Variants in MAP3K6 observed in about 807,000 individuals in gnomAD.
MAP3K6 encodes mitogen-activated protein kinase kinase kinase 6, also known as apoptosis signal-regulating kinase 2.
Under a neutral mutation model 147.1 loss-of-function variants are expected in MAP3K6, and 105 were observed. That is an observed-to-expected ratio of 0.71 (90% confidence interval 0.61 to 0.84). The LOEUF is 0.84. Among genes scored for constraint, MAP3K6 ranks in the 40% least tolerant of loss-of-function variants. The pLI is 0.00. For missense variants in MAP3K6, 1,569 were observed against 1,715.0 expected, an observed-to-expected ratio of 0.91 and a Z score of 1.50; for synonymous variants, 695 against 732.4, an observed-to-expected ratio of 0.95 and a Z score of 0.82.
intron 28 of MAP3K6, 78 bp from the exon 29 acceptor site, chr1:27,355,547 C>T (rs2015488949): frequency 6.4e-7 from 1 of 1,567,702 alleles, no homozygotes; most frequent in Non-Finnish European, 8.8e-7. Context: ...CTGCCCAGTG[C>T]CCCCTCTGTC....
chr1:27,355,791 C>G, intron 27 of MAP3K6, 46 bp from the exon 28 acceptor site: 1 of 1,574,024 alleles, frequency 6.4e-7, no homozygotes, highest in Non-Finnish European at 8.7e-7. Context: ...TAAGAAATTA[C>G]AGAAAGATGT....
intron 23 of MAP3K6, 89 bp from the exon 24 acceptor site, chr1:27,357,203 G>T: frequency 7.4e-7 from 1 of 1,343,428 alleles, no homozygotes; most frequent in South Asian, 1.2e-5. Flanking sequence ...TCTTCGGCGG[G>T]AGGCGAGTGG....
chr1:27,366,547 C>A lies in MAP3K6; in HGVS notation c.51G>T (p.Trp17Cys). 9.1e-7 allele frequency: 1 copy of A among 1,098,988 alleles called. No individual in the cohort carries two copies. 68.1% of individuals were successfully genotyped at this position (1,098,988 alleles called of 1,614,324 possible). A position where few individuals can be genotyped will look rare whatever the true frequency, so the allele number is the denominator to read the frequency against. Residue 17 changes from tryptophan (W) to cysteine (C), a missense_variant, in exon 1 of 29, where the codon TGG becomes TGT. Transcript: ENST00000357582. This position sits in a 1 kb window ranked among gnomAD's most constrained non-coding sequence, Gnocchi z 5.5. ...RSGAERAGSCWQDPLAVALSR... is the reference protein window; with the variant it reads ...RSGAERAGSCCQDPLAVALSR... ...TCAGCGCCACGGCCAGCGGGTCCTG[C>A]CAGCAGCTGCCGGCGCGCTCCGCCC...
At chr1:27,356,331 T>G (rs1363783506) in intron 26 of MAP3K6, 57 bp downstream of exon 26, 14 of 1,475,212 alleles carry the variant, frequency 9.5e-6, no homozygotes, top group Non-Finnish European at 1.2e-5. Flanking sequence ...AAGGGTGCCT[T>G]GTGCTAGAAG....
At position 27,364,048 on chromosome 1, in the gene MAP3K6, G is replaced by T; in HGVS notation, c.733C>A (p.Gln245Lys). ...FRETIRRDIR[Q>K]ARERFSGPQL... ...GGCCCACTGAACCGCTCCCGCGCCT[G>T]CCGGATGTCCCGCCGAATGGTCTCC... is the stretch of plus-strand genomic sequence containing the variant. The change falls in exon 5 of 29, where the codon CAG (glutamine) becomes AAG (lysine). Residue 245 changes from glutamine to lysine, a missense_variant. Transcript: ENST00000357582. The surrounding 1 kb of genome is among the most constrained non-coding windows in gnomAD (Gnocchi z 4.4). The T allele has an allele frequency of 6.2e-7, 1 of 1,612,850 alleles. No homozygotes were observed. Among genetic ancestry groups the T allele is most frequent in the Non-Finnish European group, 8.5e-7 (1 of 1,179,918 alleles).
At chr1:27,362,018 T>A in intron 9 of MAP3K6, 73 bp downstream of exon 9, 5 of 1,548,018 alleles carry the variant, frequency 3.2e-6, no homozygotes, top group Non-Finnish European at 3.5e-6. Context: ...GGGTTCAGTC[T>A]AGCATGCCAA....
Position 27,359,918 on chromosome 1 carries a change from GC to G in MAP3K6, c.2258del (p.Arg753ProfsTer20), listed in dbSNP as rs751441940. 1.2e-6 allele frequency: 2 copies of G among 1,614,030 alleles called. No individual in the cohort carries two copies. The highest frequency in any genetic ancestry group is 2.7e-5 in the African/African-American group (2 of 74,912). On this transcript the variant is annotated frameshift_variant, in exon 17 of 29. Coordinates refer to ENST00000357582, the MANE Select transcript of MAP3K6 (RefSeq NM_004672.5). LOFTEE classifies it high-confidence loss of function. This position sits in a 1 kb window ranked among gnomAD's most constrained non-coding sequence, Gnocchi z 4.4. ...DNESTISFYT[R>X]QILQGLGYLH... ...AGTAGCCAAGTCCCTGCAGGATCTGGCGGGTGTAGAAACTGATGGTGCTCTC... is the reference window on the plus strand; with the variant it reads ...AGTAGCCAAGTCCCTGCAGGATCTGGGGGTGTAGAAACTGATGGTGCTCTC...
Position 27,358,237 on chromosome 1 carries a change from C to T in MAP3K6, c.2859G>A (p.Gln953=), listed in dbSNP as rs1286142678. Residue 953 remains glutamine (Q), a synonymous_variant, in exon 21 of 29, where the codon CAG becomes CAA. Coordinates refer to ENST00000357582, the MANE Select transcript of MAP3K6 (RefSeq NM_004672.5). This position sits in a 1 kb window ranked among gnomAD's most constrained non-coding sequence, Gnocchi z 6.2. ...QTFPCPQAPS[Q]HPPSPPKRCL... is the part of the protein sequence containing the mutation. ...AGCGCTTCGGGGGGCTGGGTGGGTG[C>T]TGAGAGGGTGCCTGAGGGCACGGGA... is the stretch of plus-strand genomic sequence containing the variant. 1 of 1,600,718 alleles carries T rather than the reference C, an allele frequency of 6.2e-7. No homozygotes were observed. The highest frequency in any genetic ancestry group is 1.8e-5 in the Admixed American group (1 of 54,752).
chr1:27,355,650 TGGG>T lies in MAP3K6; in HGVS notation c.3788+16_3788+18del. The T allele has an allele frequency of 1.9e-6, 3 of 1,613,008 alleles. No homozygotes were observed. Among genetic ancestry groups the T allele is most frequent in the Non-Finnish European group, 2.5e-6 (3 of 1,179,744 alleles). On this transcript the variant is annotated intron_variant, in intron 28 of 28. Coordinates refer to ENST00000357582, the MANE Select transcript of MAP3K6 (RefSeq NM_004672.5). ...TGAGGCCATATGCATGGTTCACACT[TGGG>T]GGGCCCAGGATGTACCTGATGCGGG...
At position 27,361,603 on chromosome 1, in the gene MAP3K6, C is replaced by A. The variant is rs201907883; in HGVS notation, c.1603G>T (p.Val535Leu). Residue 535 changes from valine to leucine, a missense_variant, in exon 11 of 29, where the codon GTG becomes TTG. Physicochemically the swap from Val to Leu is conservative, Grantham distance 32. Transcript: ENST00000357582. ...ACCTCGAGCTTTGCAGGCAGCAGCA[C>A]CTTGTTCATCTCCAGGACCAGCACC... ...CLVLVLEMNK[V>L]LLPAKLEVRG... The A allele has an allele frequency of 1.9e-6, 3 of 1,614,074 alleles. No homozygotes were observed. Among genetic ancestry groups the A allele is most frequent in the Non-Finnish European group, 1.7e-6 (2 of 1,180,054 alleles).
Position 27,361,374 on chromosome 1 carries a change from A to T in MAP3K6, c.1708T>A (p.Phe570Ile). 6.2e-7 allele frequency: 1 copy of T among 1,613,956 alleles called. No homozygotes were observed. The highest frequency in any genetic ancestry group is 8.5e-7 in the Non-Finnish European group (1 of 1,179,976). ...ETQDIPSSWTFPVASICGVSA... is the reference protein window; with the variant it reads ...ETQDIPSSWTIPVASICGVSA... ...ACTCCGCATATGGAGGCGACTGGGA[A>T]GGTCCAGCTGGAGGGAATGTCCTGC... Residue 570 changes from phenylalanine to isoleucine, a missense_variant, in exon 12 of 29, where the codon TTC (phenylalanine) becomes ATC (isoleucine). By Grantham distance (21) the Phe-to-Ile change is conservative (BLOSUM62 0). Transcript: ENST00000357582.
Position 27,356,682 on chromosome 1 carries a change from G to T in MAP3K6, c.3432C>A (p.Ser1144Arg). ...CCGGAAGCGGGCTCTGCTGGCCTGGGCTCTGCTGGGAGTCCCCTTCATTAC... is the reference window on the plus strand; with the variant it reads ...CCGGAAGCGGGCTCTGCTGGCCTGGTCTCTGCTGGGAGTCCCCTTCATTAC... ...ELSNEGDSQQ[S>R]PGQQSPLPVE... Residue 1144 changes from serine to arginine, a missense_variant, in exon 25 of 29, where the codon AGC becomes AGA. Physicochemically the swap from Ser to Arg is moderately radical, Grantham distance 110. Coordinates refer to ENST00000357582, the MANE Select transcript of MAP3K6 (RefSeq NM_004672.5). 6.2e-7 allele frequency: 1 copy of T among 1,609,688 alleles called. No homozygotes were observed. The highest frequency in any genetic ancestry group is 2.2e-5 in the East Asian group (1 of 44,836).
At position 27,363,037 on chromosome 1, in the gene MAP3K6, G is replaced by C. The variant is rs758252313; in HGVS notation, c.972-16C>G. ...CCTGTTCCTCCTAGGGAAAAGATGGGCTCAGGCCCTCCCTGATGGCCCTGG... is the reference window on the plus strand; with the variant it reads ...CCTGTTCCTCCTAGGGAAAAGATGGCCTCAGGCCCTCCCTGATGGCCCTGG... On this transcript the variant is annotated splice_polypyrimidine_tract_variant and intron_variant, in intron 6 of 28. Transcript: ENST00000357582. The C allele has an allele frequency of 3.7e-6, 6 of 1,607,972 alleles. No homozygotes were observed. The highest frequency in any genetic ancestry group is 2.7e-5 in the African/African-American group (2 of 74,722).
chr1:27,361,449 G>C (rs1446451210), intron 11 of MAP3K6, 54 bp from the exon 12 acceptor site: 2 of 1,611,548 alleles, frequency 1.2e-6, no homozygotes, highest in Non-Finnish European at 1.7e-6. Flanking sequence ...AGAGGGGTCT[G>C]AGGATGGGAG....
rs759845504 is a variant in MAP3K6 at position 27,356,476 on chromosome 1, C to T, written c.3549G>A (p.Lys1183=). The T allele has an allele frequency of 6.2e-7, 1 of 1,613,968 alleles. No individual in the cohort carries two copies. The highest frequency in any genetic ancestry group is 8.5e-7 in the Non-Finnish European group (1 of 1,179,982). The change falls in exon 26 of 29, where the codon AAG becomes AAA. Residue 1183 remains lysine, a synonymous_variant. Coordinates refer to ENST00000357582, the MANE Select transcript of MAP3K6 (RefSeq NM_004672.5). ...GCACCAGGGCCTGGTACTCCCGTTC[C>T]TTCCCCGCCAGGATTTCGCGCAGCC... ...TDRLREILAG[K]EREYQALVQR... is the part of the protein sequence containing the mutation.
chr1:27,361,409 T>C lies in MAP3K6; in HGVS notation c.1687-14A>G, dbSNP rs376351438. The C allele has an allele frequency of 1.4e-5, 22 of 1,612,794 alleles. No individual in the cohort carries two copies. The highest frequency in any genetic ancestry group is 1.9e-5 in the Non-Finnish European group (22 of 1,179,740). On this transcript the variant is annotated splice_polypyrimidine_tract_variant and intron_variant, in intron 11 of 28. Transcript: ENST00000357582. Reference sequence around the variant, plus strand: ...GGAGGGAATGTCCTGCAAGAAGAAATGGGGTGTGATGGGGAGTGCTGGTGA... The same window carrying C: ...GGAGGGAATGTCCTGCAAGAAGAAACGGGGTGTGATGGGGAGTGCTGGTGA...
Position 27,359,750 on chromosome 1 carries a change from T to A in MAP3K6, c.2319+108A>T, listed in dbSNP as rs570443350. The A allele has an allele frequency of 4.6e-6, 7 of 1,524,174 alleles. No homozygotes were observed. The Admixed American group carries it at 1.3e-4, about 28-fold the overall frequency. 94.4% of individuals were successfully genotyped at this position (1,524,174 alleles called of 1,614,324 possible). ...AGCCTCCCTGATGAATTCCCTACCC[T>A]TTGCAACAGGTCTGCTCACTTAATC... is the stretch of plus-strand genomic sequence containing the variant. On this transcript the variant is annotated intron_variant, in intron 17 of 28. Coordinates refer to ENST00000357582, the MANE Select transcript of MAP3K6 (RefSeq NM_004672.5). The surrounding 1 kb of genome is among the most constrained non-coding windows in gnomAD (Gnocchi z 4.4).
Position 27,358,024 on chromosome 1 carries a change from G to A in MAP3K6, c.2916-148C>T. The A allele has an allele frequency of 6.7e-7, 1 of 1,482,208 alleles. No homozygotes were observed. Among genetic ancestry groups the A allele is most frequent in the Non-Finnish European group, 9.0e-7 (1 of 1,117,064 alleles). The allele number at this position is 1,482,208 out of a possible 1,614,324, so 91.8% of individuals were successfully genotyped here. A position where few individuals can be genotyped will look rare whatever the true frequency, so the allele number is the denominator to read the frequency against. ...ACCCCGCACTGAGAGGACACAACAAGTCCAAGTTAGAGTTGCCAGAACAGG... is the reference window on the plus strand; with the variant it reads ...ACCCCGCACTGAGAGGACACAACAAATCCAAGTTAGAGTTGCCAGAACAGG... On this transcript the variant is annotated intron_variant, in intron 21 of 28. Coordinates refer to ENST00000357582, the MANE Select transcript of MAP3K6 (RefSeq NM_004672.5). This position sits in a 1 kb window ranked among gnomAD's most constrained non-coding sequence, Gnocchi z 6.2.
At position 27,357,444 on chromosome 1, in the gene MAP3K6, C is replaced by T. The variant is rs1478052278; in HGVS notation, c.3214G>A (p.Gly1072Arg). ...AGCGGTCTGTGCAGAAGCGCAGGCC[C>T]AAGGCCCTGGGCCCTCAGCCGTCCT... The part of the protein sequence containing the change: ...LQGRLRAQGL[G>R]PALLHRPLFA... Residue 1072 changes from glycine (G) to arginine (R), a missense_variant, in exon 23 of 29, where the codon GGG (glycine) becomes AGG (arginine). By Grantham distance (125) the Gly-to-Arg change is moderately radical. Coordinates refer to ENST00000357582, the MANE Select transcript of MAP3K6 (RefSeq NM_004672.5). 2 of 1,613,092 alleles carry T rather than the reference C, an allele frequency of 1.2e-6. No homozygotes were observed. Among genetic ancestry groups the T allele is most frequent in the South Asian group, 2.2e-5 (2 of 91,018 alleles).
Sources: allele counts gnomAD v4.1 joint callset, GRCh38; gene constraint gnomAD v4.1.1; non-coding constraint Gnocchi (gnomAD v3.1); transcripts MANE v1.5; gene names NCBI Gene and HGNC (gene_info 2026-07-23, HGNC 2026-07-21).